CEP170: variants seen among roughly 807,000 people sequenced by gnomAD.
CEP170 encodes the protein centrosomal protein 170, also known as centrosomal protein of 170 kDa.
In CEP170, 21 loss-of-function variants were observed where a neutral mutation model predicts 151.9. That is an observed-to-expected ratio of 0.14 (90% CI 0.10 to 0.20). The LOEUF is 0.20. Ranked by LOEUF, CEP170 falls within the 10% of genes least tolerant of loss-of-function variation. The pLI is 1.00. For synonymous variants in CEP170, 356 were observed against 648.8 expected (o/e 0.55, Z 6.86); for missense variants, 964 against 1,892.9 (o/e 0.51, Z 9.11).
chr1:243,175,451 T>C (rs1298258914), intron 10 of CEP170, among the ~76,000 whole-genome samples: 1 of 152,198 alleles, frequency 6.6e-6, no homozygotes, highest in Non-Finnish European at 1.5e-5. Flanking sequence ...CCAGCCCAGA[T>C]TGAAATCCAT....
In CEP170 at chr1:243,235,270, G is replaced by C. The variant is rs2064153913; in HGVS notation, c.-41-9949C>G. Among the ~76,000 whole-genome samples the C allele has an allele frequency of 2.6e-5, 4 of 152,124 alleles. No homozygotes were observed. The South Asian group carries it at 8.3e-4, about 32-fold the overall frequency. ...GGGTGGTGCTCTTCAGGCCGGGGTG[G>C]TCTACGGAAATATCTTTGAGAAACT... On this transcript the variant is annotated intron_variant, in intron 1 of 19. Transcript: ENST00000366542.
intron 14 of CEP170, among the ~76,000 whole-genome samples, chr1:243,153,544 CCA>C (rs2057301890): frequency 6.6e-6 from 1 of 152,174 alleles, no homozygotes; most frequent in African/African-American, 2.4e-5. Context: ...TTGAATAAGT[CCA>C]CAGTCATCAG....
intron 15 of CEP170, 39 bp downstream of exon 15, chr1:243,142,277 A>C: frequency 6.3e-7 from 1 of 1,599,074 alleles, no homozygotes; most frequent in African/African-American, 1.3e-5. Context: ...AATAAAGAAA[A>C]GAAAGAACCT....
At position 243,146,871 on chromosome 1, in the gene CEP170, A is replaced by C. The variant is rs114228440; in HGVS notation, c.3912-4408T>G. On this transcript the variant is annotated intron_variant, in intron 14 of 19. Coordinates refer to ENST00000366542, the MANE Select transcript of CEP170 (RefSeq NM_014812.3). ...CACATGTAAGGTTTTTACTTTGTGCATGAGCAAAAAGTTCTAGATGTTCCC... is the reference window on the plus strand; with the variant it reads ...CACATGTAAGGTTTTTACTTTGTGCCTGAGCAAAAAGTTCTAGATGTTCCC... 4.1e-3 allele frequency among the ~76,000 whole-genome samples: 622 copies of C among 152,192 alleles called. 7 individuals carry two copies. Among genetic ancestry groups the C allele is most frequent in the Non-Finnish European group, 4.4e-3 (302 of 67,992 alleles).
chr1:243,214,736 T>C (rs146060892), intron 3 of CEP170, among the ~76,000 whole-genome samples: 1 of 152,214 alleles, frequency 6.6e-6, no homozygotes, highest in African/African-American at 2.4e-5. Context: ...TGTCAACTGA[T>C]GAGCAGTTAG....
At chr1:243,180,329 A>C (rs1162707062) in intron 10 of CEP170, among the ~76,000 whole-genome samples, 2 of 152,236 alleles carry the variant, frequency 1.3e-5, no homozygotes, top group Non-Finnish European at 2.9e-5. Context: ...TCCCTCGTGA[A>C]GCTTTGGAAA....
intron 17 of CEP170, among the ~76,000 whole-genome samples, chr1:243,132,147 C>T (rs1558365884): frequency 1.3e-5 from 2 of 152,196 alleles, no homozygotes; most frequent in Admixed American, 1.3e-4. Flanking sequence ...CCCCAGTAGA[C>T]ATTTGAGGTT....
chr1:243,170,795 A>G (rs1343010664), intron 11 of CEP170, among the ~76,000 whole-genome samples: 1 of 152,234 alleles, frequency 6.6e-6, no homozygotes, highest in East Asian at 1.9e-4. Context: ...CTCCGTCTCA[A>G]AAAAACAGAA....
At chr1:243,166,259 C>T (rs1404021369) in intron 12 of CEP170, 143 bp from the exon 13 acceptor site, 5 of 989,392 alleles carry the variant, frequency 5.1e-6, no homozygotes, top group South Asian at 3.5e-5. Context: ...CCCAAGGATG[C>T]TTGAGTACCT....
chr1:243,125,903 T>C lies in CEP170; in HGVS notation c.*546A>G. ...TATAAATCACATCTATGTTGGAAAA[T>C]TTTAGGACACAGAGTGACTGTTGTG... On this transcript the variant is annotated 3_prime_UTR_variant, in exon 20 of 20. Transcript: ENST00000366542. The C allele has an allele frequency of 2.0e-5, 6 of 302,372 alleles. No homozygotes were observed. The highest frequency in any genetic ancestry group is 1.8e-4 in the South Asian group (6 of 32,834). The allele number at this position is 302,372 out of a possible 1,614,324, so 18.7% of individuals were successfully genotyped here.
At chr1:243,137,297 A>G (rs2055207515) in intron 16 of CEP170, among the ~76,000 whole-genome samples, 1 of 152,214 alleles carries the variant, frequency 6.6e-6, no homozygotes, top group Non-Finnish European at 1.5e-5. Context: ...AACTCCTTAT[A>G]TTGTCAGTAC....
Position 243,172,793 on chromosome 1 carries a change from T to G in CEP170, c.1620A>C (p.Lys540Asn), listed in dbSNP as rs747803422. 4 of 1,575,072 alleles carry G rather than the reference T, an allele frequency of 2.5e-6. No homozygotes were observed. The highest frequency in any genetic ancestry group is 1.4e-5 in the African/African-American group (1 of 73,930). The change falls in exon 11 of 20, where the codon AAA becomes AAC. Residue 540 changes from lysine to asparagine, a missense_variant. Physicochemically the swap from Lys to Asn is moderately conservative, Grantham distance 94 (BLOSUM62 0). Transcript: ENST00000366542. ...CCCAATCTTTTATTAGATCTTTATG[T>G]TTTTCGTTGATAACAGGCCTATTAT... ...QDYNRPVINE[K>N]HKDLIKDWAL...
intron 13 of CEP170, among the ~76,000 whole-genome samples, chr1:243,157,159 A>G (rs894656681): frequency 1.3e-5 from 2 of 152,254 alleles, no homozygotes; most frequent in African/African-American, 4.8e-5. Context: ...TACAAAAAGC[A>G]AAACTGTACA....
intron 4 of CEP170, among the ~76,000 whole-genome samples, chr1:243,204,402 T>C (rs1254221169): frequency 1.3e-5 from 2 of 152,190 alleles, no homozygotes; most frequent in Non-Finnish European, 2.9e-5. Context: ...ACTAACCCAA[T>C]CATTTTGTGG....
chr1:243,242,800 A>G (rs1388059752), intron 1 of CEP170, among the ~76,000 whole-genome samples: 1 of 152,022 alleles, frequency 6.6e-6, no homozygotes, highest in African/African-American at 2.4e-5. Flanking sequence ...TCCCAGGTTC[A>G]AGCAATTCTC....
intron 3 of CEP170, among the ~76,000 whole-genome samples, chr1:243,217,177 A>C (rs1279558265): frequency 2.0e-5 from 3 of 152,230 alleles, no homozygotes; most frequent in African/African-American, 7.2e-5. Context: ...TTATGGTACC[A>C]CTGCCGTGTA....
chr1:243,140,742 G>A (rs1464954590), intron 15 of CEP170, among the ~76,000 whole-genome samples: 1 of 152,132 alleles, frequency 6.6e-6, no homozygotes, highest in Admixed American at 6.5e-5. Flanking sequence ...TTACTGAAGA[G>A]GGACTCAACC....
At chr1:243,168,182 T>A (rs1236371319) in intron 12 of CEP170, 1 of 152,018 alleles carries the variant, frequency 6.6e-6, no homozygotes, top group African/African-American at 2.4e-5. Flanking sequence ...GGTCATACTA[T>A]CAATAACTTC....
intron 8 of CEP170, among the ~76,000 whole-genome samples, chr1:243,186,939 A>T (rs1413335393): frequency 6.6e-6 from 1 of 152,240 alleles, no homozygotes; most frequent in East Asian, 1.9e-4. Context: ...GAAGCTCAGC[A>T]TATTTTTCCT....
Sources: allele counts gnomAD v4.1 joint callset (sites outside exome capture counted in the v4.1 genomes callset), GRCh38; gene constraint gnomAD v4.1.1; transcripts MANE v1.5; gene names NCBI Gene and HGNC (gene_info 2026-07-23, HGNC 2026-07-21).